Variants in TMEM108 observed in about 807,000 individuals in gnomAD.
TMEM108 encodes the protein transmembrane protein 108, also known as cancer/testis antigen 124.
Under a neutral mutation model 35.1 loss-of-function variants are expected in TMEM108, and 12 were observed. The ratio of observed to expected loss-of-function variants is 0.34; its 90% confidence interval spans 0.22 to 0.55. The LOEUF is 0.55. Ranked by LOEUF, TMEM108 falls within the 20% of genes least tolerant of loss-of-function variation. TMEM108 has a pLI of 0.89. For synonymous variants in TMEM108, 287 were observed against 308.6 expected (o/e 0.93, Z 0.73); for missense variants, 680 against 753.3 (o/e 0.90, Z 1.14).
At chr3:133,258,749 A>G (rs1339771079) in intron 3 of TMEM108, among the ~76,000 whole-genome samples, 1 of 152,192 alleles carries the variant, frequency 6.6e-6, no homozygotes, top group Non-Finnish European at 1.5e-5. Flanking sequence ...TCATTCAGAC[A>G]GAGAGAGAGT....
intron 2 of TMEM108, among the ~76,000 whole-genome samples, chr3:133,109,719 C>G (rs1427495271): frequency 6.6e-6 from 1 of 152,158 alleles, no homozygotes; most frequent in African/African-American, 2.4e-5. Context: ...ATGAGAAAGG[C>G]TGTCATTGCA....
At chr3:133,240,351 T>C (rs896723055) in intron 3 of TMEM108, among the ~76,000 whole-genome samples, 1 of 152,206 alleles carries the variant, frequency 6.6e-6, no homozygotes, top group Non-Finnish European at 1.5e-5. Flanking sequence ...ATGTTTTAGG[T>C]AGTGATTTTA....
intron 3 of TMEM108, among the ~76,000 whole-genome samples, chr3:133,322,522 A>C (rs1391805015): frequency 6.6e-6 from 1 of 152,066 alleles, no homozygotes; most frequent in Non-Finnish European, 1.5e-5. Context: ...GAAATTGAAA[A>C]AGTAATAAAA....
At chr3:133,204,525 AATTT>A (rs1450292994) in intron 2 of TMEM108, among the ~76,000 whole-genome samples, 2 of 152,224 alleles carry the variant, frequency 1.3e-5, no homozygotes, top group East Asian at 1.9e-4. Context: ...GGTTTCAAAG[AATTT>A]ATTTATTTCT....
intron 2 of TMEM108, among the ~76,000 whole-genome samples, chr3:133,082,925 A>G (rs1458904909): frequency 1.3e-5 from 2 of 152,188 alleles, no homozygotes; most frequent in East Asian, 3.8e-4. Context: ...AAGTGCTGGG[A>G]TTACAGGCGT....
intron 2 of TMEM108, among the ~76,000 whole-genome samples, chr3:133,124,267 A>C (rs573202893): frequency 1.5e-4 from 23 of 152,342 alleles, no homozygotes; most frequent in Non-Finnish European, 3.1e-4. Flanking sequence ...GTAAGTTAAA[A>C]CAGCTGGTTT....
At chr3:133,347,699 T>C (rs2071863623) in intron 3 of TMEM108, among the ~76,000 whole-genome samples, 1 of 152,136 alleles carries the variant, frequency 6.6e-6, no homozygotes, top group African/African-American at 2.4e-5. Flanking sequence ...AACATTCTTG[T>C]CTTGTTCTTT....
intron 2 of TMEM108, among the ~76,000 whole-genome samples, chr3:133,204,770 A>G (rs994078341): frequency 6.6e-6 from 1 of 152,296 alleles, no homozygotes; most frequent in Admixed American, 6.5e-5. Context: ...AGAAGACTGT[A>G]TATTCTGTTG....
intron 2 of TMEM108, among the ~76,000 whole-genome samples, chr3:133,208,338 G>C (rs1043852968): frequency 6.6e-6 from 1 of 152,182 alleles, no homozygotes; most frequent in Admixed American, 6.5e-5. Context: ...ATGAAAGCCA[G>C]CCTACATAGT....
chr3:133,283,415 C>A (rs1164320414), intron 3 of TMEM108, among the ~76,000 whole-genome samples: 1 of 152,176 alleles, frequency 6.6e-6, no homozygotes, highest in East Asian at 1.9e-4. Context: ...GTCTTAATTA[C>A]CCTGTCATTT....
intron 3 of TMEM108, among the ~76,000 whole-genome samples, chr3:133,252,367 GGTGTT>G (rs1946484068): frequency 6.6e-6 from 1 of 152,142 alleles, no homozygotes; most frequent in African/African-American, 2.4e-5. Context: ...GTGTCCTCCA[GGTGTT>G]GTGTGGCTAA....
chr3:133,273,631 C>T (rs948719662), intron 3 of TMEM108, among the ~76,000 whole-genome samples: 4 of 152,196 alleles, frequency 2.6e-5, no homozygotes, highest in Admixed American at 2.6e-4. Context: ...GCTTTAAATG[C>T]TAGTCAAGGT....
chr3:133,048,909 CT>C (rs1270238337), intron 2 of TMEM108, among the ~76,000 whole-genome samples: 1 of 152,156 alleles, frequency 6.6e-6, no homozygotes, highest in African/African-American at 2.4e-5. Flanking sequence ...TCTAGTACTA[CT>C]CAAAGTGTGG....
chr3:133,294,809 T>C (rs1337838756), intron 3 of TMEM108, among the ~76,000 whole-genome samples: 1 of 152,236 alleles, frequency 6.6e-6, no homozygotes, highest in Non-Finnish European at 1.5e-5. Context: ...TTCAGATTTA[T>C]GAGATTTAAA....
chr3:133,282,537 T>C (rs1286171336), intron 3 of TMEM108, among the ~76,000 whole-genome samples: 1 of 152,234 alleles, frequency 6.6e-6, no homozygotes, highest in Non-Finnish European at 1.5e-5. Context: ...TAGAACACTT[T>C]CTTCAGCTTG....
chr3:133,085,056 G>A (rs1166155937), intron 2 of TMEM108, among the ~76,000 whole-genome samples: 1 of 152,122 alleles, frequency 6.6e-6, no homozygotes. Context: ...TTCAGCTTTT[G>A]TTAGGATTGA....
chr3:133,165,528 TCTCA>T (rs1945024487), intron 2 of TMEM108, among the ~76,000 whole-genome samples: 1 of 152,208 alleles, frequency 6.6e-6, no homozygotes, highest in African/African-American at 2.4e-5. Flanking sequence ...TTTGTGCATA[TCTCA>T]CTTTTTGGAA....
At chr3:133,253,548 C>T (rs1946501751) in intron 3 of TMEM108, 1 of 152,144 alleles carries the variant, frequency 6.6e-6, no homozygotes, top group African/African-American at 2.4e-5. Flanking sequence ...AAAGAAGAAA[C>T]ATAAATTATG....
chr3:133,200,254 G>A (rs537672292), intron 2 of TMEM108, among the ~76,000 whole-genome samples: 17 of 152,176 alleles, frequency 1.1e-4, no homozygotes, highest in Admixed American at 4.6e-4. Context: ...GCTTATGCTC[G>A]GTAGGCTGCA....
Sources: allele counts gnomAD v4.1 joint callset (sites outside exome capture counted in the v4.1 genomes callset), GRCh38; gene constraint gnomAD v4.1.1; transcripts MANE v1.5; gene names NCBI Gene and HGNC (gene_info 2026-07-23, HGNC 2026-07-21).